CCDC14: variants seen among roughly 807,000 people sequenced by gnomAD.
CCDC14 encodes coiled-coil domain-containing protein 14.
In CCDC14, 71 loss-of-function variants were observed where a neutral mutation model predicts 81.4. The ratio of observed to expected loss-of-function variants is 0.87; its 90% CI spans 0.72 to 1.06. CCDC14 has a LOEUF of 1.06. Among genes scored for constraint, CCDC14 ranks in the 50% least tolerant of loss-of-function variants. The pLI, the probability that CCDC14 is intolerant of heterozygous loss-of-function variation, is 0.00. For missense variants in CCDC14, 1,046 were observed against 1,047.3 expected, an observed-to-expected ratio of 1.00 and a Z score of 0.02; for synonymous variants, 332 against 364.8, an observed-to-expected ratio of 0.91 and a Z score of 1.03.
intron 5 of CCDC14, among the ~76,000 whole-genome samples, chr3:123,906,901 GTCCT>G (rs2034324954): frequency 6.6e-6 from 1 of 152,178 alleles, no homozygotes; most frequent in African/African-American, 2.4e-5. Flanking sequence ...GGTGTAATGT[GTCCT>G]TCCATCTTTT....
At chr3:123,948,662 T>A (rs748975506) in intron 7 of CCDC14, 29 bp downstream of exon 7, 1 of 1,510,160 alleles carries the variant, frequency 6.6e-7, no homozygotes, top group Non-Finnish European at 9.0e-7. Context: ...AGCAAATAGT[T>A]ACTTATGTAG....
At chr3:123,908,031 G>T (rs2034358035) in intron 5 of CCDC14, among the ~76,000 whole-genome samples, 1 of 151,848 alleles carries the variant, frequency 6.6e-6, no homozygotes, top group African/African-American at 2.4e-5. Flanking sequence ...GAGGGTAAAA[G>T]AAAAATGTTC....
chr3:123,928,384 T>C (rs2035503245), intron 12 of CCDC14, among the ~76,000 whole-genome samples: 1 of 147,212 alleles, frequency 6.8e-6, no homozygotes, highest in African/African-American at 2.5e-5. Context: ...AGGGCACCTG[T>C]AGTCCCAGCT....
chr3:123,903,735 CT>C (rs2034235995), intron 5 of CCDC14, among the ~76,000 whole-genome samples: 1 of 152,138 alleles, frequency 6.6e-6, no homozygotes, highest in African/African-American at 2.4e-5. Context: ...AAAGCTAGGA[CT>C]TTAGATTGTG....
intron 12 of CCDC14, among the ~76,000 whole-genome samples, chr3:123,916,191 G>A (rs991905616): frequency 1.3e-5 from 2 of 151,802 alleles, no homozygotes; most frequent in African/African-American, 4.8e-5. Flanking sequence ...TAGAGACAGG[G>A]TTTCACCATG....
intron 9 of CCDC14, among the ~76,000 whole-genome samples, chr3:123,937,942 A>G (rs968756993): frequency 1.3e-5 from 2 of 151,834 alleles, no homozygotes; most frequent in African/African-American, 2.4e-5. Flanking sequence ...AATTTCTCTG[A>G]TATCTTTGCA....
chr3:123,956,177 T>A, intron 3 of CCDC14, 62 bp from the exon 4 acceptor site: 1 of 1,413,094 alleles, frequency 7.1e-7, no homozygotes. Flanking sequence ...GGAAAAAATA[T>A]AAATTATGTA....
At chr3:123,925,739 G>A (rs532453298) in intron 12 of CCDC14, among the ~76,000 whole-genome samples, 1 of 152,074 alleles carries the variant, frequency 6.6e-6, no homozygotes, top group African/African-American at 2.4e-5. Flanking sequence ...TCCAGCCTAG[G>A]GTGATTATAC....
intron 5 of CCDC14, among the ~76,000 whole-genome samples, chr3:123,907,691 C>T (rs182607214): frequency 7.3e-5 from 11 of 151,568 alleles, no homozygotes; most frequent in Admixed American, 4.6e-4. Flanking sequence ...GGCGACAGAG[C>T]GAGACCTCAT....
At chr3:123,958,892 G>GT (rs1466704697) in intron 1 of CCDC14, 1 of 152,110 alleles carries the variant, frequency 6.6e-6, no homozygotes, top group Non-Finnish European at 1.5e-5. Context: ...AAATCATGCA[G>GT]TATTTGTCCT....
At chr3:123,908,101 A>T (rs922114782) in intron 5 of CCDC14, among the ~76,000 whole-genome samples, 1 of 152,196 alleles carries the variant, frequency 6.6e-6, no homozygotes, top group African/African-American at 2.4e-5. Context: ...AGAAAAATAA[A>T]TATGGAGAGC....
the CCDC14 span, among the ~76,000 whole-genome samples, chr3:123,892,156 A>G: frequency 6.6e-6 from 1 of 152,328 alleles, no homozygotes; most frequent in East Asian, 1.9e-4. Context: ...GAATTATGGA[A>G]GCTATAAGAT....
chr3:123,935,605 G>A (rs796174628), intron 9 of CCDC14, among the ~76,000 whole-genome samples: 48 of 152,336 alleles, frequency 3.2e-4, no homozygotes, highest in African/African-American at 1.1e-3. Flanking sequence ...TTGTACTGAC[G>A]TGAAAAGATC....
Position 123,940,436 on chromosome 3 carries a change from G to T in CCDC14, c.1343+4413C>A, listed in dbSNP as rs182893146. On this transcript the variant is annotated intron_variant, in intron 9 of 12. Coordinates refer to ENST00000409697, the MANE Select transcript of CCDC14 (RefSeq NM_001366335.1). Reference sequence around the variant, plus strand: ...ATGGAATACTGTTTTAAGTTTTTCTGAAGTTCTTTGAGTAATTTGTCTTGT... The same window carrying T: ...ATGGAATACTGTTTTAAGTTTTTCTTAAGTTCTTTGAGTAATTTGTCTTGT... Among the ~76,000 whole-genome samples the T allele has an allele frequency of 1.2e-4, 18 of 151,942 alleles. No individual in the cohort carries two copies. The East Asian group carries it at 3.3e-3, about 28-fold the overall frequency.
Position 123,931,294 on chromosome 3 carries a change from G to T in CCDC14, c.1645+14C>A. On this transcript the variant is annotated intron_variant, in intron 11 of 12. Coordinates refer to ENST00000409697, the MANE Select transcript of CCDC14 (RefSeq NM_001366335.1). ...TTTAAAAGATGTGACCATAACTACT[G>T]TCTAAATACGTACCAATTTTTATTC... 6.4e-7 allele frequency: 1 copy of T among 1,559,682 alleles called. No homozygotes were observed. The highest frequency in any genetic ancestry group is 2.3e-5 in the East Asian group (1 of 43,524).
intron 9 of CCDC14, among the ~76,000 whole-genome samples, chr3:123,936,956 A>T (rs1362186795): frequency 6.6e-6 from 1 of 152,114 alleles, no homozygotes; most frequent in Non-Finnish European, 1.5e-5. Context: ...AATTTTATAT[A>T]AATGGAATTA....
chr3:123,959,941 A>G (rs1188485809), intron 1 of CCDC14, among the ~76,000 whole-genome samples: 1 of 152,080 alleles, frequency 6.6e-6, no homozygotes, highest in East Asian at 1.9e-4. Flanking sequence ...TTTGCTTCAT[A>G]TTTTTCACAA....
chr3:123,939,617 A>G lies in CCDC14; in HGVS notation c.1343+5232T>C, dbSNP rs116744138. Among the ~76,000 whole-genome samples the G allele has an allele frequency of 6.7e-3, 1,014 of 150,700 alleles. 15 individuals are homozygous for G. The highest frequency in any genetic ancestry group is 0.024 in the African/African-American group (982 of 41,136). ...CTAATTTATATCTATTTTCTTTTTCATATGTATTATCTTCTTCATAATAAT... is the reference window on the plus strand; with the variant it reads ...CTAATTTATATCTATTTTCTTTTTCGTATGTATTATCTTCTTCATAATAAT... On this transcript the variant is annotated intron_variant, in intron 9 of 12. Coordinates refer to ENST00000409697, the MANE Select transcript of CCDC14 (RefSeq NM_001366335.1).
intron 8 of CCDC14, among the ~76,000 whole-genome samples, chr3:123,945,746 A>C (rs964771697): frequency 3.3e-5 from 5 of 152,190 alleles, no homozygotes; most frequent in Non-Finnish European, 5.9e-5. Context: ...AAATGTATTC[A>C]GTTTCACAGA....
Sources: gnomAD v4.1 joint callset for allele counts (sites outside exome capture counted in the v4.1 genomes callset) on GRCh38, gnomAD v4.1.1 for gene constraint, MANE v1.5 for transcripts, NCBI Gene and HGNC (gene_info 2026-07-23, HGNC 2026-07-21) for gene names.